The following DHX32 variants were observed in gnomAD, a reference collection of about 807,000 sequenced individuals.
DHX32 encodes the protein DEAH-box helicase 32 (putative).
Under a neutral mutation model 70.0 loss-of-function variants are expected in DHX32, and 51 were observed. The ratio of observed to expected loss-of-function variants is 0.73; its 90% CI spans 0.58 to 0.92. The LOEUF is 0.92. DHX32 is among the 40% of genes least tolerant of loss of function. The pLI, the probability that DHX32 is intolerant of heterozygous loss-of-function variation, is 0.00. For missense variants in DHX32, 762 were observed against 891.8 expected (o/e 0.85, Z 1.85); for synonymous variants, 310 against 315.3 (o/e 0.98, Z 0.18).
At chr10:125,874,981 G>A (rs1214937189) in intron 1 of DHX32, among the ~76,000 whole-genome samples, 7 of 152,104 alleles carry the variant, frequency 4.6e-5, no homozygotes, top group Non-Finnish European at 8.8e-5. Flanking sequence ...CACTTTGGGA[G>A]GCCAAGGCAG....
chr10:125,840,362 G>A (rs1431071148), intron 8 of DHX32, among the ~76,000 whole-genome samples: 6 of 152,174 alleles, frequency 3.9e-5, no homozygotes, highest in African/African-American at 9.7e-5. Context: ...ATCAAGCTCC[G>A]TCAGCAACTC....
At chr10:125,890,017 T>G (rs1400576112) in intron 1 of DHX32, among the ~76,000 whole-genome samples, 7 of 151,876 alleles carry the variant, frequency 4.6e-5, no homozygotes, top group African/African-American at 1.5e-4. Context: ...TGTATATGCT[T>G]AACCATATAT....
intron 2 of DHX32, among the ~76,000 whole-genome samples, chr10:125,860,505 G>GATA (rs1279878441): frequency 6.6e-6 from 1 of 152,136 alleles, no homozygotes; most frequent in Non-Finnish European, 1.5e-5. Context: ...TCATTAAGAT[G>GATA]TCATCCAAAT....
At chr10:125,858,056 T>C (rs998285760) in intron 3 of DHX32, among the ~76,000 whole-genome samples, 1 of 151,976 alleles carries the variant, frequency 6.6e-6, no homozygotes, top group African/African-American at 2.4e-5. Context: ...TGAGCCACCA[T>C]GCCTGGCTAA....
At chr10:125,860,073 A>G (rs1205178591) in intron 2 of DHX32, 98 bp from the exon 3 acceptor site, 1 of 1,137,708 alleles carries the variant, frequency 8.8e-7, no homozygotes, top group Non-Finnish European at 1.2e-6. Flanking sequence ...CATTTCTCTA[A>G]ATCAGTAACT....
At chr10:125,867,660 C>T (rs569841703) in intron 1 of DHX32, among the ~76,000 whole-genome samples, 191 of 148,208 alleles carry the variant, frequency 1.3e-3, no homozygotes, top group Non-Finnish European at 2.3e-3. Context: ...GGCGTGAACC[C>T]GGGAGGCGGA....
At chr10:125,868,568 C>G (rs1459088391) in intron 1 of DHX32, among the ~76,000 whole-genome samples, 1 of 152,156 alleles carries the variant, frequency 6.6e-6, no homozygotes, top group Non-Finnish European at 1.5e-5. Flanking sequence ...TAGGTGTCAG[C>G]CTTGTCAACA....
chr10:125,889,503 A>G (rs1445131682), intron 1 of DHX32, among the ~76,000 whole-genome samples: 1 of 152,236 alleles, frequency 6.6e-6, no homozygotes, highest in Non-Finnish European at 1.5e-5. Flanking sequence ...GTGGCAAGGT[A>G]AAGAGCTTGC....
intron 2 of DHX32, among the ~76,000 whole-genome samples, chr10:125,860,841 C>T (rs543400314): frequency 1.7e-3 from 196 of 117,284 alleles, no homozygotes; most frequent in African/African-American, 6.6e-3. Flanking sequence ...CTGCAAGCTC[C>T]GCCTCCCGGG....
chr10:125,883,710 C>T (rs1316231140), upstream of DHX32, among the ~76,000 whole-genome samples: 1 of 152,240 alleles, frequency 6.6e-6, no homozygotes, highest in Non-Finnish European at 1.5e-5. Context: ...CTTGCAGAAA[C>T]AGATAACCAG....
At chr10:125,868,191 G>A (rs1486249043) in intron 1 of DHX32, among the ~76,000 whole-genome samples, 1 of 151,956 alleles carries the variant, frequency 6.6e-6, no homozygotes, top group Non-Finnish European at 1.5e-5. Flanking sequence ...AATATATTAT[G>A]GACCAACTGA....
At chr10:125,864,286 T>C (rs924747572) in intron 2 of DHX32, among the ~76,000 whole-genome samples, 2 of 152,090 alleles carry the variant, frequency 1.3e-5, no homozygotes, top group African/African-American at 2.4e-5. Context: ...GAAGTGAAGA[T>C]ATGAAAGCAA....
At chr10:125,896,272 CGCGGGCAG>C (rs1944518926) in exon 1 of DHX32, 2 of 153,348 alleles carry the variant, frequency 1.3e-5, no homozygotes, top group African/African-American at 4.9e-5. Flanking sequence ...GCGCCTTACC[CGCGGGCAG>C]GCCCACTCGC....
intron 7 of DHX32, 175 bp downstream of exon 7, chr10:125,841,568 G>T: frequency 1.4e-6 from 2 of 1,429,082 alleles, no homozygotes; most frequent in Non-Finnish European, 1.8e-6. Flanking sequence ...TTCATATTAA[G>T]AAAATTTTCC....
intron 1 of DHX32, among the ~76,000 whole-genome samples, chr10:125,879,049 G>A (rs1480875240): frequency 1.4e-4 from 18 of 130,358 alleles, no homozygotes; most frequent in Admixed American, 1.2e-3. Context: ...TTTGAGACGG[G>A]GTCTTGCTCT....
intron 1 of DHX32, among the ~76,000 whole-genome samples, chr10:125,887,266 T>C (rs1338007936): frequency 6.6e-6 from 1 of 152,206 alleles, no homozygotes; most frequent in Non-Finnish European, 1.5e-5. Context: ...GTGAACATGG[T>C]AGGGACACAG....
rs1854788142 is a variant in DHX32 at position 125,839,026 on chromosome 10, G to A, written c.1856C>T (p.Ala619Val). The change falls in exon 9 of 11, where the codon GCT becomes GTT. Residue 619 changes from alanine (A) to valine (V), a missense_variant. Ala to Val is a moderately conservative substitution (Grantham distance 64, BLOSUM62 0). Around this residue, in one of 3 missense-constraint regions of DHX32, gnomAD observed 366 missense variants for 402.6 expected, o/e 0.91. Transcript: ENST00000284690. Reference protein sequence around the residue: ...SKENTLNIKKALLSGYFMQIA... With the variant: ...SKENTLNIKKVLLSGYFMQIA... ...CTGCATAAAGTAACCGGACAGAAGA[G>A]CTTTCTTTATGTTTAGAGTGTTTTC... The A allele has an allele frequency of 6.2e-7, 1 of 1,613,992 alleles. No homozygotes were observed. Among genetic ancestry groups the A allele is most frequent in the African/African-American group, 1.3e-5 (1 of 74,930 alleles).
intron 6 of DHX32, among the ~76,000 whole-genome samples, chr10:125,845,179 T>C (rs1355432759): frequency 3.3e-5 from 5 of 152,164 alleles, no homozygotes; most frequent in Non-Finnish European, 7.4e-5. Flanking sequence ...ACGCGGCATG[T>C]TTCCCATGTT....
At chr10:125,842,945 A>G (rs12049644) in intron 6 of DHX32, 107,800 of 264,882 alleles carry the variant, frequency 0.41, 22,924 homozygotes, top group Non-Finnish European at 0.44. Context: ...ATAAGGCTAT[A>G]TATAGATTGG....
Sources: allele counts gnomAD v4.1 joint callset (sites outside exome capture counted in the v4.1 genomes callset), GRCh38; gene constraint gnomAD v4.1.1; regional missense constraint gnomAD v4.1.1; transcripts MANE v1.5; gene names NCBI Gene and HGNC (gene_info 2026-07-23, HGNC 2026-07-21).